The following SGK1 variants were observed in gnomAD, a reference collection of about 807,000 sequenced individuals.
The protein encoded by SGK1 is serum/glucocorticoid regulated kinase 1.
Under a neutral mutation model 64.2 loss-of-function variants are expected in SGK1, and 26 were observed. The ratio of observed to expected loss-of-function variants is 0.40; its 90% CI spans 0.30 to 0.56. SGK1 has a LOEUF of 0.56. Among genes scored for constraint, SGK1 ranks in the 20% least tolerant of loss-of-function variants. The pLI is 0.38. For missense variants in SGK1, 519 were observed against 645.6 expected (o/e 0.80, Z 2.12); for synonymous variants, 265 against 239.7 (o/e 1.11, Z -0.98).
intron 1 of SGK1, among the ~76,000 whole-genome samples, chr6:134,287,974 A>T (rs533969275): frequency 6.6e-6 from 1 of 152,334 alleles, no homozygotes; most frequent in East Asian, 1.9e-4. Flanking sequence ...CAAAGATGCC[A>T]TCTCCTTACC....
chr6:134,284,494 T>TC (rs1345667128), intron 1 of SGK1, among the ~76,000 whole-genome samples: 1 of 150,562 alleles, frequency 6.6e-6, no homozygotes, highest in Non-Finnish European at 1.5e-5. Flanking sequence ...TTTCTTTCTT[T>TC]TTTTTTTTTG....
chr6:134,201,612 T>C (rs570437590), intron 3 of SGK1, among the ~76,000 whole-genome samples: 1 of 152,278 alleles, frequency 6.6e-6, no homozygotes, highest in East Asian at 1.9e-4. Flanking sequence ...TCCACCTGCC[T>C]CAGCCTCCCA....
In SGK1 at chr6:134,182,375, C is replaced by T. The variant is rs187982954; in HGVS notation, c.362-7789G>A. ...CCAGCAGGCCAACATGGTGAAACCC[C>T]GTCTCTACTAAAAATACAAAAATTA... On this transcript the variant is annotated intron_variant, in intron 3 of 13. Coordinates refer to ENST00000367858, the MANE Select transcript of SGK1 (RefSeq NM_001143676.3). 6.6e-5 allele frequency among the ~76,000 whole-genome samples: 10 copies of T among 151,630 alleles called. No homozygotes were observed. In the East Asian group the frequency reaches 9.8e-4, roughly 15 times the overall value.
chr6:134,214,208 C>A (rs1397422685), intron 2 of SGK1, among the ~76,000 whole-genome samples: 3 of 152,082 alleles, frequency 2.0e-5, no homozygotes, highest in Non-Finnish European at 4.4e-5. Flanking sequence ...TGTTAGCCAC[C>A]ACTCAAGGTT....
At chr6:134,287,387 AAATT>A (rs1777202238) in intron 1 of SGK1, among the ~76,000 whole-genome samples, 1 of 151,242 alleles carries the variant, frequency 6.6e-6, no homozygotes, top group Non-Finnish European at 1.5e-5. Flanking sequence ...TTTTTGTTAT[AAATT>A]AATTGTCTGG....
chr6:134,172,405 G>A (rs902291914), intron 9 of SGK1, 89 bp from the exon 10 acceptor site: 71 of 1,311,064 alleles, frequency 5.4e-5, no homozygotes, highest in Non-Finnish European at 7.2e-5. Flanking sequence ...AGGTATTAGA[G>A]GCATTTTAGG....
chr6:134,252,253 G>T (rs1362774716), intron 2 of SGK1, among the ~76,000 whole-genome samples: 2 of 152,056 alleles, frequency 1.3e-5, no homozygotes, highest in African/African-American at 4.8e-5. Flanking sequence ...GTGACCTCCT[G>T]GCTCTAGGAG....
chr6:134,267,709 T>TA (rs781489662), intron 1 of SGK1, among the ~76,000 whole-genome samples: 1 of 152,188 alleles, frequency 6.6e-6, no homozygotes, highest in Non-Finnish European at 1.5e-5. Flanking sequence ...GGCTCAATTT[T>TA]AAACAGTATG....
chr6:134,289,897 C>T (rs964692947), intron 1 of SGK1, among the ~76,000 whole-genome samples: 2 of 151,808 alleles, frequency 1.3e-5, no homozygotes, highest in African/African-American at 4.8e-5. Flanking sequence ...GCTTGTAATC[C>T]CAGCACTTTG....
At position 134,261,405 on chromosome 6, in the gene SGK1, C is replaced by G. The variant is rs548478653; in HGVS notation, c.285+528G>C. The G allele has an allele frequency of 6.6e-5, 12 of 181,326 alleles. No homozygotes were observed. In the East Asian group the frequency reaches 1.7e-3, roughly 25 times the overall value. The allele number at this position is 181,326 out of a possible 1,614,324, so 11.2% of individuals were successfully genotyped here. A position where few individuals can be genotyped will look rare whatever the true frequency, so the allele number is the denominator to read the frequency against. ...CCACGTAAAACATTAATACAACATA[C>G]TGCATGATTCAGCTAGATGACATTC... On this transcript the variant is annotated intron_variant, in intron 2 of 13. Transcript: ENST00000367858.
intron 1 of SGK1, among the ~76,000 whole-genome samples, chr6:134,291,656 G>C (rs1340647845): frequency 1.3e-5 from 2 of 152,182 alleles, no homozygotes; most frequent in Non-Finnish European, 2.9e-5. Flanking sequence ...GGCCTCCTCT[G>C]TCTATATAAA....
At chr6:134,175,076 G>T (rs1038140834) in intron 3 of SGK1, among the ~76,000 whole-genome samples, 15 of 152,048 alleles carry the variant, frequency 9.9e-5, no homozygotes, top group Non-Finnish European at 1.8e-4. Flanking sequence ...GCCCGGGGAC[G>T]GCCTGGCGCA....
chr6:134,199,065 T>A (rs1775639025), intron 3 of SGK1, among the ~76,000 whole-genome samples: 1 of 152,028 alleles, frequency 6.6e-6, no homozygotes, highest in Admixed American at 6.6e-5. Context: ...CTGATTTTTT[T>A]AATGTGATGA....
chr6:134,233,664 GA>G (rs1776323117), intron 2 of SGK1, among the ~76,000 whole-genome samples: 1 of 152,000 alleles, frequency 6.6e-6, no homozygotes, highest in African/African-American at 2.4e-5. Context: ...TTTCCAAAAA[GA>G]AAAAGAAGAA....
At chr6:134,201,065 C>T (rs1582706205) in intron 3 of SGK1, among the ~76,000 whole-genome samples, 2 of 138,600 alleles carry the variant, frequency 1.4e-5, no homozygotes, top group African/African-American at 2.6e-5. Flanking sequence ...TTCTTTTCTT[C>T]TTTTTTTTTT....
At chr6:134,286,071 T>C (rs769921029) in intron 1 of SGK1, among the ~76,000 whole-genome samples, 5 of 152,242 alleles carry the variant, frequency 3.3e-5, no homozygotes, top group Non-Finnish European at 7.3e-5. Flanking sequence ...GACTACAGTC[T>C]GGAAGTAGTT....
intron 2 of SGK1, chr6:134,211,410 T>TTTGCCTCA (rs1158498774): frequency 1.3e-5 from 2 of 152,382 alleles, no homozygotes; most frequent in Non-Finnish European, 2.9e-5. Flanking sequence ...CTCTTGCCTC[T>TTTGCCTCA]TTGCCTCATT....
chr6:134,221,961 A>C (rs1443731148), intron 2 of SGK1, among the ~76,000 whole-genome samples: 1 of 152,152 alleles, frequency 6.6e-6, no homozygotes, highest in Non-Finnish European at 1.5e-5. Context: ...CTGGCATTCA[A>C]TAAATCTTCG....
chr6:134,305,091 C>T (rs946637110), intron 1 of SGK1, among the ~76,000 whole-genome samples: 10 of 152,098 alleles, frequency 6.6e-5, no homozygotes, highest in African/African-American at 2.4e-4. Context: ...CACGGTTGCT[C>T]ACACCTGCAA....
Sources: allele counts gnomAD v4.1 joint callset (sites outside exome capture counted in the v4.1 genomes callset), GRCh38; gene constraint gnomAD v4.1.1; transcripts MANE v1.5; gene names NCBI Gene and HGNC (gene_info 2026-07-23, HGNC 2026-07-21).